The following ALDH5A1 variants were observed in gnomAD, a reference collection of about 807,000 sequenced individuals.
The protein encoded by ALDH5A1 is succinate-semialdehyde dehydrogenase, mitochondrial.
ALDH5A1 carries 33 observed loss-of-function variants against 54.7 expected under a neutral mutation model. The observed-to-expected ratio is 0.60, with a 90% confidence interval of 0.46 to 0.81. ALDH5A1 has a LOEUF of 0.81. ALDH5A1 is among the 30% of genes least tolerant of loss of function. The pLI, the probability that ALDH5A1 is intolerant of heterozygous loss-of-function variation, is 0.00. For missense variants in ALDH5A1, 657 were observed against 711.0 expected, an observed-to-expected ratio of 0.92 and a Z score of 0.86; for synonymous variants, 294 against 292.7, an observed-to-expected ratio of 1.00 and a Z score of -0.05.
At chr6:24,506,467 G>T (rs959720235) in intron 4 of ALDH5A1, among the ~76,000 whole-genome samples, 36 of 151,504 alleles carry the variant, frequency 2.4e-4, no homozygotes, top group African/African-American at 8.7e-4. Context: ...TGGCCAGACT[G>T]GTCTTGAACT....
At position 24,532,119 on chromosome 6, in the gene ALDH5A1, G is replaced by A; in HGVS notation, c.1344G>A (p.Lys448=). The change falls in exon 9 of 10, where the codon AAG becomes AAA. Residue 448 remains lysine, a splice_region_variant and synonymous_variant. Transcript: ENST00000357578. ...TTATGACCTATCTTAACTTTGGCAG[G>A]TTCGATACAGAGGAGGAGGCTATAG... The part of the protein sequence containing the change: ...ETFGPLAPVI[K]FDTEEEAIAI... 6.2e-7 allele frequency: 1 copy of A among 1,614,094 alleles called. No individual in the cohort carries two copies. The highest frequency in any genetic ancestry group is 1.1e-5 in the South Asian group (1 of 91,084).
rs4646833 is a variant in ALDH5A1 at position 24,495,676 on chromosome 6, G to A, written c.354+326G>A. Among the ~76,000 whole-genome samples the A allele has an allele frequency of 2.3e-3, 350 of 152,292 alleles. 5 individuals are homozygous for A. In the East Asian group the frequency reaches 0.027, roughly 12 times the overall value. On this transcript the variant is annotated intron_variant, in intron 1 of 9. Transcript: ENST00000357578. ...ACAAGCCTAACCGTGGAGGGGCGGG[G>A]AGAAAGGGGAGGGGTGTCAGGGAAG...
At chr6:24,502,681 G>A in intron 2 of ALDH5A1, 75 bp downstream of exon 2, 1 of 1,124,034 alleles carries the variant, frequency 8.9e-7, no homozygotes, top group Non-Finnish European at 1.3e-6. Context: ...GAAAGCCGCT[G>A]ACTTCCCTTC....
rs1340282063 is a variant in ALDH5A1, at chr6:24,536,729, C to A, written c.*3017C>A. On this transcript the variant is annotated 3_prime_UTR_variant, in exon 10 of 10. Transcript: ENST00000357578. The stretch of plus-strand genomic sequence containing the variant: ...AAAACAATTATCCTTGAACTTCCTC[C>A]AGCTATGCAGGGATTCTCATTAAAG... The A allele has an allele frequency of 1.3e-5, 2 of 152,278 alleles. No individual in the cohort carries two copies. The highest frequency in any genetic ancestry group is 2.4e-5 in the African/African-American group (1 of 41,444). The allele number at this position is 152,278 out of a possible 1,614,324, so 9.4% of individuals were successfully genotyped here.
chr6:24,528,090 A>G lies in ALDH5A1; in HGVS notation c.1267A>G (p.Thr423Ala), dbSNP rs1759856050. The change falls in exon 8 of 10, where the codon ACC becomes GCC. Residue 423 changes from threonine to alanine, a missense_variant. Thr to Ala is a moderately conservative substitution (Grantham distance 58). This residue lies in a region of ALDH5A1 where 425 missense variants were observed against 516.4 expected (regional missense o/e 0.82). Coordinates refer to ENST00000357578, the MANE Select transcript of ALDH5A1 (RefSeq NM_001080.3). ...ACTTGGAAAAAATTTCTTTGAGCCTACCCTGCTGTGCAATGTCACCCAGGA... is the reference window on the plus strand; with the variant it reads ...ACTTGGAAAAAATTTCTTTGAGCCTGCCCTGCTGTGCAATGTCACCCAGGA... ...HQLGKNFFEP[T>A]LLCNVTQDML... 1.9e-6 allele frequency: 3 copies of G among 1,614,090 alleles called. No homozygotes were observed. Among genetic ancestry groups the G allele is most frequent in the Admixed American group, 1.7e-5 (1 of 60,018 alleles).
At chr6:24,524,731 G>T (rs1366092167) in intron 7 of ALDH5A1, among the ~76,000 whole-genome samples, 1 of 152,176 alleles carries the variant, frequency 6.6e-6, no homozygotes, top group African/African-American at 2.4e-5. Flanking sequence ...ACAAGGCAGG[G>T]GTATTCACTT....
chr6:24,524,035 G>A (rs1325693002), intron 7 of ALDH5A1, among the ~76,000 whole-genome samples: 2 of 143,000 alleles, frequency 1.4e-5, no homozygotes, highest in African/African-American at 5.2e-5. Flanking sequence ...GCCCAGGCTA[G>A]AGTATAGTGG....
chr6:24,497,945 G>A (rs925119150), intron 1 of ALDH5A1, among the ~76,000 whole-genome samples: 7 of 152,210 alleles, frequency 4.6e-5, no homozygotes, highest in Admixed American at 1.3e-4. Flanking sequence ...GTTGTTGCAC[G>A]GATTTAGGTG....
At chr6:24,520,765 G>A (rs1339948189) in intron 6 of ALDH5A1, among the ~76,000 whole-genome samples, 1 of 152,006 alleles carries the variant, frequency 6.6e-6, no homozygotes, top group African/African-American at 2.4e-5. Context: ...CAAATATTTA[G>A]TATATGCCTT....
In ALDH5A1 at chr6:24,533,583, C is replaced by T. The variant is rs200661931; in HGVS notation, c.1479C>T (p.Asn493=). 1,621 of 1,614,134 alleles carry T rather than the reference C, an allele frequency of 1.0e-3. 17 individuals are homozygous for T. The South Asian group carries it at 0.015, about 15-fold the overall frequency. The part of the protein sequence containing the change: ...EQLEVGMVGV[N]EGLISSVECP... ...TGGAAGTGGGCATGGTTGGCGTCAA[C>T]GAAGGATTAATTTCCTCTGTGGAGT... Residue 493 remains asparagine (N), a synonymous_variant, in exon 10 of 10, where the codon AAC becomes AAT. Coordinates refer to ENST00000357578, the MANE Select transcript of ALDH5A1 (RefSeq NM_001080.3).
chr6:24,508,361 C>CAAAAAAA (rs1214819272), intron 4 of ALDH5A1, among the ~76,000 whole-genome samples: 4 of 13,076 alleles, frequency 3.1e-4, no homozygotes, highest in African/African-American at 7.4e-4. Context: ...ACTCCATCTC[C>CAAAAAAA]AAAAAAAAAA....
In ALDH5A1 at chr6:24,520,479, G is replaced by C. The variant is rs1208368506; in HGVS notation, c.949G>C (p.Asp317His). 13 of 1,614,048 alleles carry C rather than the reference G, an allele frequency of 8.1e-6. No homozygotes were observed. The highest frequency in any genetic ancestry group is 1.0e-5 in the Non-Finnish European group (12 of 1,180,054). The part of the protein sequence containing the change: ...LGGLAPFIVF[D>H]SANVDQAVAG... ...CGGCCTTGCTCCATTTATAGTATTT[G>C]ACAGTGCCAACGTGGACCAGGCTGT... The change falls in exon 6 of 10, where the codon GAC becomes CAC. Residue 317 changes from aspartate to histidine, a missense_variant. By Grantham distance (81) the Asp-to-His change is moderately conservative (BLOSUM62 -1). This residue lies in a region of ALDH5A1 where 425 missense variants were observed against 516.4 expected (regional missense o/e 0.82). Coordinates refer to ENST00000357578, the MANE Select transcript of ALDH5A1 (RefSeq NM_001080.3).
chr6:24,509,153 G>A lies in ALDH5A1; in HGVS notation c.726+4168G>A, dbSNP rs528638390. On this transcript the variant is annotated intron_variant, in intron 4 of 9. Coordinates refer to ENST00000357578, the MANE Select transcript of ALDH5A1 (RefSeq NM_001080.3). This position sits in a 1 kb window ranked among gnomAD's most constrained non-coding sequence, Gnocchi z 4.7. The stretch of plus-strand genomic sequence containing the variant: ...CCAGCTATTTATCTTTGTTTTAGTT[G>A]CATTTGCTTTTGGGTTCTTGGTCAT... 1.3e-5 allele frequency among the ~76,000 whole-genome samples: 2 copies of A among 152,242 alleles called. No individual in the cohort carries two copies. Among genetic ancestry groups the A allele is most frequent in the South Asian group, 4.2e-4 (2 of 4,818 alleles).
intron 7 of ALDH5A1, among the ~76,000 whole-genome samples, chr6:24,526,566 T>C (rs1177142016): frequency 6.6e-6 from 1 of 151,776 alleles, no homozygotes; most frequent in Non-Finnish European, 1.5e-5. Flanking sequence ...GATGATAAAA[T>C]TTCGGAGATC....
intron 7 of ALDH5A1, among the ~76,000 whole-genome samples, chr6:24,525,749 G>T (rs2127388761): frequency 6.6e-6 from 1 of 152,240 alleles, no homozygotes; most frequent in East Asian, 1.9e-4. Context: ...GGGGAACCCT[G>T]CAGAGGAAAT....
chr6:24,528,109 C>T lies in ALDH5A1; in HGVS notation c.1286C>T (p.Thr429Ile), dbSNP rs1718542915. 2 of 1,614,092 alleles carry T rather than the reference C, an allele frequency of 1.2e-6. No individual in the cohort carries two copies. The highest frequency in any genetic ancestry group is 1.7e-6 in the Non-Finnish European group (2 of 1,179,994). Reference sequence around the variant, plus strand: ...GAGCCTACCCTGCTGTGCAATGTCACCCAGGACATGCTGTGCACTCATGAA... The same window carrying T: ...GAGCCTACCCTGCTGTGCAATGTCATCCAGGACATGCTGTGCACTCATGAA... ...FFEPTLLCNV[T>I]QDMLCTHEET... Residue 429 changes from threonine (T) to isoleucine (I), a missense_variant, in exon 8 of 10, where the codon ACC (threonine) becomes ATC (isoleucine). Thr to Ile is a moderately conservative substitution (Grantham distance 89). Transcript: ENST00000357578.
intron 7 of ALDH5A1, among the ~76,000 whole-genome samples, chr6:24,526,956 ATATATATATGTGTGTGTG>A (rs1466769415): frequency 0.16 from 2,018 of 12,920 alleles, 123 homozygotes; most frequent in African/African-American, 0.2. Flanking sequence ...TATATCTAAT[ATATATATATGTGTGTGTG>A]TATATATATA....
rs1760020387 is a variant in ALDH5A1, at chr6:24,535,105, A to G, written c.*1393A>G. On this transcript the variant is annotated 3_prime_UTR_variant, in exon 10 of 10. Transcript: ENST00000357578. The stretch of plus-strand genomic sequence containing the variant: ...GGAGACGAAGCACCTTCCTTTCCCC[A>G]TCTCTGTCTGTGTAGACTCCACTTA... 1 of 152,180 alleles carries G rather than the reference A, an allele frequency of 6.6e-6. No individual in the cohort carries two copies. The highest frequency in any genetic ancestry group is 1.5e-5 in the Non-Finnish European group (1 of 68,040). 9.4% of individuals were successfully genotyped at this position (152,180 alleles called of 1,614,324 possible). A position where few individuals can be genotyped will look rare whatever the true frequency, so the allele number is the denominator to read the frequency against.
rs563401625 is a variant in ALDH5A1 at position 24,509,035 on chromosome 6, G to A, written c.726+4050G>A. On this transcript the variant is annotated intron_variant, in intron 4 of 9. Transcript: ENST00000357578. This position sits in a 1 kb window ranked among gnomAD's most constrained non-coding sequence, Gnocchi z 4.7. ...ATATTAGTCCTTTGTCAGATGTATAGATTGTGAAGACTTTCTCCTGCTCTG... is the reference window on the plus strand; with the variant it reads ...ATATTAGTCCTTTGTCAGATGTATAAATTGTGAAGACTTTCTCCTGCTCTG... Among the ~76,000 whole-genome samples, 6 of 152,298 alleles carry A rather than the reference G, an allele frequency of 3.9e-5. No individual in the cohort carries two copies. The East Asian group carries it at 1.2e-3, about 29-fold the overall frequency.
Sources: gnomAD v4.1 joint callset for allele counts (sites outside exome capture counted in the v4.1 genomes callset) on GRCh38, gnomAD v4.1.1 for gene constraint, gnomAD v4.1.1 regional missense constraint, Gnocchi (gnomAD v3.1) non-coding constraint, MANE v1.5 for transcripts, NCBI Gene and HGNC (gene_info 2026-07-23, HGNC 2026-07-21) for gene names.